Variants in EIPR1 observed in about 807,000 individuals in gnomAD.
EIPR1 encodes the protein EARP complex and GARP complex interacting protein 1, also known as EARP and GARP complex-interacting protein 1.
Under a neutral mutation model 48.1 loss-of-function variants are expected in EIPR1, and 25 were observed. The ratio of observed to expected loss-of-function variants is 0.52; its 90% CI spans 0.38 to 0.73. The LOEUF (loss-of-function observed/expected upper bound fraction) is 0.73, where lower values mean the gene tolerates loss of function less well. Ranked by LOEUF, EIPR1 falls within the 30% of genes least tolerant of loss-of-function variation. The pLI is 0.00. For synonymous variants in EIPR1, 204 were observed against 201.9 expected, an observed-to-expected ratio of 1.01 and a Z score of -0.09; for missense variants, 415 against 506.2, an observed-to-expected ratio of 0.82 and a Z score of 1.73.
chr2:3,308,035 C>T (rs1053552899), intron 3 of EIPR1, among the ~76,000 whole-genome samples: 1 of 152,204 alleles, frequency 6.6e-6, no homozygotes, highest in East Asian at 1.9e-4. Flanking sequence ...AACAGAGCCA[C>T]ACCAGCCCCA....
At chr2:3,285,891 T>G (rs7575102) in intron 3 of EIPR1, among the ~76,000 whole-genome samples, 3 of 137,962 alleles carry the variant, frequency 2.2e-5, no homozygotes, top group African/African-American at 5.6e-5. Flanking sequence ...ACCAACTGTC[T>G]CCGGGACCCT....
At chr2:3,190,861 G>A (rs535858650) in intron 8 of EIPR1, among the ~76,000 whole-genome samples, 1 of 152,196 alleles carries the variant, frequency 6.6e-6, no homozygotes, top group Non-Finnish European at 1.5e-5. Context: ...TAGCACTTTG[G>A]GAGGCTGAAG....
intron 1 of EIPR1, among the ~76,000 whole-genome samples, chr2:3,370,988 G>A (rs1424822328): frequency 2.6e-5 from 4 of 152,192 alleles, no homozygotes; most frequent in South Asian, 2.1e-4. Flanking sequence ...CAGCCAGAGA[G>A]AAAGGTCGGG....
At chr2:3,365,584 T>C (rs1295450008) in intron 1 of EIPR1, among the ~76,000 whole-genome samples, 1 of 150,738 alleles carries the variant, frequency 6.6e-6, no homozygotes, top group East Asian at 1.9e-4. Flanking sequence ...GGTCAGCAGA[T>C]AAACAAGTGA....
At position 3,193,956 on chromosome 2, in the gene EIPR1, TG is replaced by T. The variant is rs761585847; in HGVS notation, c.821+42del. The T allele has an allele frequency of 1.1e-5, 17 of 1,599,466 alleles. No individual in the cohort carries two copies. In the South Asian group the frequency reaches 1.7e-4, roughly 16 times the overall value. ...TGGTAAAGTAATTAGCAAAATCAAT[TG>T]CGTAATCCCCTCCTCCCTGAAGCAG... On this transcript the variant is annotated intron_variant, in intron 7 of 8. Transcript: ENST00000382125.
At chr2:3,323,448 AG>A (rs1295268409) in intron 3 of EIPR1, among the ~76,000 whole-genome samples, 3 of 152,172 alleles carry the variant, frequency 2.0e-5, no homozygotes, top group African/African-American at 7.2e-5. Flanking sequence ...TTCACTGATG[AG>A]GGTAAAGAGT....
intron 4 of EIPR1, among the ~76,000 whole-genome samples, chr2:3,253,677 G>T (rs1296771188): frequency 6.6e-6 from 1 of 152,152 alleles, no homozygotes; most frequent in Non-Finnish European, 1.5e-5. Context: ...TTAGTGTTCT[G>T]GGGGGCACAC....
chr2:3,301,449 C>T (rs1219259920), intron 3 of EIPR1: 1 of 152,168 alleles, frequency 6.6e-6, no homozygotes, highest in Non-Finnish European at 1.5e-5. Flanking sequence ...CTGGCCTTCA[C>T]TCCCTGTGCC....
In EIPR1 at chr2:3,266,549, A is replaced by T. The variant is rs116653129; in HGVS notation, c.260-9094T>A. 6.7e-3 allele frequency among the ~76,000 whole-genome samples: 1,026 copies of T among 152,328 alleles called. 13 individuals are homozygous for T. Among genetic ancestry groups the T allele is most frequent in the African/African-American group, 0.024 (999 of 41,576 alleles). On this transcript the variant is annotated intron_variant, in intron 3 of 8. Transcript: ENST00000382125. ...GGCGGCAAGGCTGATGAGCAAGACA[A>T]GGATGACACCAACTCTCTTATCCTC... is the stretch of plus-strand genomic sequence containing the variant.
In EIPR1 at chr2:3,377,760, C is replaced by G; in HGVS notation, c.-71G>C. On this transcript the variant is annotated 5_prime_UTR_variant, in exon 1 of 9. Coordinates refer to ENST00000382125, the MANE Select transcript of EIPR1 (RefSeq NM_003310.5). The stretch of plus-strand genomic sequence containing the variant: ...CTCGCTACGGCCGGCGCGTCCCCAC[C>G]TCGCGGGCGTGTTCCCAGCGCCCAT... The G allele has an allele frequency of 6.5e-7, 1 of 1,537,754 alleles. No individual in the cohort carries two copies. Among genetic ancestry groups the G allele is most frequent in the Non-Finnish European group, 8.8e-7 (1 of 1,137,050 alleles).
At chr2:3,284,112 G>A (rs566533635) in intron 3 of EIPR1, among the ~76,000 whole-genome samples, 70 of 152,224 alleles carry the variant, frequency 4.6e-4, no homozygotes, top group African/African-American at 1.6e-3. Context: ...GCCGCGGCAC[G>A]GCTGCAGGTA....
chr2:3,311,527 C>T (rs1374232725), intron 3 of EIPR1, among the ~76,000 whole-genome samples: 1 of 152,188 alleles, frequency 6.6e-6, no homozygotes, highest in Non-Finnish European at 1.5e-5. Context: ...ATGTGGCATT[C>T]TCTTACAACA....
chr2:3,373,080 G>A (rs1430557121), intron 1 of EIPR1, among the ~76,000 whole-genome samples: 2 of 152,084 alleles, frequency 1.3e-5, no homozygotes, highest in Non-Finnish European at 1.5e-5. Context: ...TTCAATCTAC[G>A]CAAATCAATA....
intron 3 of EIPR1, among the ~76,000 whole-genome samples, chr2:3,269,369 A>AGTC (rs1667607412): frequency 4.9e-5 from 3 of 61,248 alleles, no homozygotes; most frequent in African/African-American, 2.1e-4. Flanking sequence ...CATCGCACTC[A>AGTC]ATCATCGCAC....
intron 4 of EIPR1, 24 bp downstream of exon 4, chr2:3,257,275 C>A (rs755889524): frequency 3.7e-6 from 6 of 1,604,332 alleles, no homozygotes; most frequent in Middle Eastern, 1.7e-4. Flanking sequence ...TCGTTCTGGG[C>A]GCATGAAATA....
intron 3 of EIPR1, among the ~76,000 whole-genome samples, chr2:3,308,982 T>C (rs1460762201): frequency 1.3e-5 from 2 of 151,936 alleles, no homozygotes; most frequent in African/African-American, 2.4e-5. Context: ...CCTCAAAGGA[T>C]GGATAAAGAA....
At chr2:3,234,656 C>T (rs1435541679) in intron 4 of EIPR1, among the ~76,000 whole-genome samples, 1 of 152,266 alleles carries the variant, frequency 6.6e-6, no homozygotes, top group East Asian at 1.9e-4. Context: ...TGCGTCACTA[C>T]AGCACACACT....
At chr2:3,222,021 A>C (rs1665911513) in intron 4 of EIPR1, among the ~76,000 whole-genome samples, 1 of 152,070 alleles carries the variant, frequency 6.6e-6, no homozygotes, top group South Asian at 2.1e-4. Flanking sequence ...CAAGACACTT[A>C]TGTATGCATT....
chr2:3,275,983 T>C (rs1404393123), intron 3 of EIPR1, among the ~76,000 whole-genome samples: 1 of 152,254 alleles, frequency 6.6e-6, no homozygotes, highest in African/African-American at 2.4e-5. Context: ...AAGTCGACTG[T>C]ATTTTTCTAC....
Sources: gnomAD v4.1 joint callset for allele counts (sites outside exome capture counted in the v4.1 genomes callset) on GRCh38, gnomAD v4.1.1 for gene constraint, MANE v1.5 for transcripts, NCBI Gene and HGNC (gene_info 2026-07-23, HGNC 2026-07-21) for gene names.